The following REDIC1 variants were observed in gnomAD, a reference collection of about 807,000 sequenced individuals.
REDIC1 encodes HEI10 Interacting Protein 1.
the REDIC1 span, among the ~76,000 whole-genome samples, chr12:39,737,915 C>T: frequency 6.6e-6 from 1 of 152,062 alleles, no homozygotes; most frequent in Non-Finnish European, 1.5e-5. Flanking sequence ...TTTGAGTGTC[C>T]ATAGAAAGAA....
chr12:39,904,158 G>A, the REDIC1 span, among the ~76,000 whole-genome samples: 1 of 152,118 alleles, frequency 6.6e-6, no homozygotes. Flanking sequence ...TACACAGGAT[G>A]CACTTCTTTC....
chr12:39,677,365 A>T, the REDIC1 span, among the ~76,000 whole-genome samples: 1 of 152,188 alleles, frequency 6.6e-6, no homozygotes, highest in African/African-American at 2.4e-5. Flanking sequence ...TTATATAATG[A>T]TAAAAGGATT....
chr12:39,715,311 A>T, the REDIC1 span, among the ~76,000 whole-genome samples: 1 of 151,892 alleles, frequency 6.6e-6, no homozygotes, highest in South Asian at 2.1e-4. Context: ...CCATTTGTTG[A>T]AAAGGGTTTC....
At chr12:39,717,846 T>C in the REDIC1 span, among the ~76,000 whole-genome samples, 23 of 152,246 alleles carry the variant, frequency 1.5e-4, no homozygotes, top group South Asian at 4.8e-3. Context: ...TTCTTGCTTG[T>C]TGTCTGTAAC....
the REDIC1 span, among the ~76,000 whole-genome samples, chr12:39,654,392 C>G: frequency 2.6e-5 from 4 of 151,938 alleles, no homozygotes; most frequent in African/African-American, 7.3e-5. Flanking sequence ...TCGAGATCAT[C>G]CTGACTAACA....
chr12:39,822,008 C>T, the REDIC1 span, among the ~76,000 whole-genome samples: 3 of 151,630 alleles, frequency 2.0e-5, no homozygotes, highest in Admixed American at 6.6e-5. Flanking sequence ...CATGCTGGTG[C>T]GCTGCACACA....
chr12:39,633,462 C>G, the REDIC1 span, among the ~76,000 whole-genome samples: 1 of 152,092 alleles, frequency 6.6e-6, no homozygotes, highest in African/African-American at 2.4e-5. Context: ...CTGCCTGAGG[C>G]TGTTCTAAAA....
At chr12:39,790,268 G>C in the REDIC1 span, among the ~76,000 whole-genome samples, 2 of 145,388 alleles carry the variant, frequency 1.4e-5, no homozygotes, top group African/African-American at 5.1e-5. Context: ...TGTGCACATT[G>C]TGCAGGTTAG....
the REDIC1 span, among the ~76,000 whole-genome samples, chr12:39,700,004 A>C: frequency 6.6e-6 from 1 of 152,186 alleles, no homozygotes; most frequent in African/African-American, 2.4e-5. Context: ...CAGAGCAGAA[A>C]AACTGGAAAC....
At chr12:39,803,138 T>C in the REDIC1 span, among the ~76,000 whole-genome samples, 3 of 151,206 alleles carry the variant, frequency 2.0e-5, no homozygotes, top group South Asian at 2.1e-4. Context: ...ATTGTAAATG[T>C]TCCCTTATTC....
chr12:39,802,726 A>C, the REDIC1 span, among the ~76,000 whole-genome samples: 1 of 152,188 alleles, frequency 6.6e-6, no homozygotes, highest in Non-Finnish European at 1.5e-5. Context: ...TATAGATATA[A>C]AGATACAGAG....
the REDIC1 span, among the ~76,000 whole-genome samples, chr12:39,714,117 G>A: frequency 6.7e-6 from 1 of 150,018 alleles, no homozygotes; most frequent in Non-Finnish European, 1.5e-5. Context: ...ATGTATACGT[G>A]TATATGTATA....
the REDIC1 span, among the ~76,000 whole-genome samples, chr12:39,800,362 T>C: frequency 1.3e-5 from 2 of 152,026 alleles, no homozygotes; most frequent in South Asian, 2.1e-4. Context: ...AAAGGGCTAA[T>C]ATCCAGAATC....
the REDIC1 span, among the ~76,000 whole-genome samples, chr12:39,711,708 CATGCATGTGTATGCACATGCAT>C: frequency 4.4e-3 from 72 of 16,470 alleles, 2 homozygotes; most frequent in Middle Eastern, 0.042. Flanking sequence ...TGTGTATACA[CATGCATGTGTATGCACATGCAT>C]GTGTGTATGT....
the REDIC1 span, among the ~76,000 whole-genome samples, chr12:39,675,123 G>A: frequency 4.6e-5 from 7 of 152,210 alleles, no homozygotes; most frequent in Middle Eastern, 3.4e-3. Flanking sequence ...TACTTGCTGT[G>A]TGGGAGCTGA....
the REDIC1 span, among the ~76,000 whole-genome samples, chr12:39,828,074 A>C: frequency 6.6e-6 from 1 of 152,124 alleles, no homozygotes; most frequent in Non-Finnish European, 1.5e-5. Context: ...ACCAACAAAA[A>C]TACTATTATA....
chr12:39,695,473 G>T, the REDIC1 span, among the ~76,000 whole-genome samples: 1 of 152,156 alleles, frequency 6.6e-6, no homozygotes, highest in African/African-American at 2.4e-5. Flanking sequence ...AGTACTCCCT[G>T]TAGGCCTGGG....
the REDIC1 span, among the ~76,000 whole-genome samples, chr12:39,730,733 T>C: frequency 3.9e-5 from 6 of 152,312 alleles, no homozygotes; most frequent in Admixed American, 1.3e-4. Flanking sequence ...CTGGATAATA[T>C]CCTGAAAAGT....
chr12:39,679,005 G>C, the REDIC1 span, among the ~76,000 whole-genome samples: 1 of 152,064 alleles, frequency 6.6e-6, no homozygotes, highest in Non-Finnish European at 1.5e-5. Context: ...CTGAATGGGG[G>C]AAAGTTGAAA....
Sources: gnomAD v4.1 joint callset for allele counts (sites outside exome capture counted in the v4.1 genomes callset) on GRCh38, gnomAD v4.1.1 for gene constraint, MANE v1.5 for transcripts, NCBI Gene and HGNC (gene_info 2026-07-23, HGNC 2026-07-21) for gene names.